MSI2: variants seen among roughly 807,000 people sequenced by gnomAD.
MSI2 encodes the protein RNA-binding protein Musashi homolog 2.
A neutral mutation model predicts 45.6 loss-of-function variants in MSI2; 17 were observed. That is an observed-to-expected ratio of 0.37 (90% CI 0.26 to 0.56). The LOEUF (loss-of-function observed/expected upper bound fraction) is 0.56, where lower values mean the gene tolerates loss of function less well. Among genes scored for constraint, MSI2 ranks in the 20% least tolerant of loss-of-function variants. The probability of loss-of-function intolerance (pLI) is 0.77; values close to 1 mark genes in which losing one functional copy is unlikely to be tolerated. For missense variants in MSI2, 293 were observed against 444.2 expected (o/e 0.66, Z 3.06); for synonymous variants, 156 against 158.2 (o/e 0.99, Z 0.11).
intron 7 of MSI2, among the ~76,000 whole-genome samples, chr17:57,574,525 T>C (rs2087963045): frequency 6.6e-6 from 1 of 152,158 alleles, no homozygotes; most frequent in African/African-American, 2.4e-5. Flanking sequence ...CTGGGTCCTG[T>C]GTCCCCATGG....
At chr17:57,283,121 G>T (rs1186692255) in intron 5 of MSI2, among the ~76,000 whole-genome samples, 2 of 152,066 alleles carry the variant, frequency 1.3e-5, no homozygotes, top group African/African-American at 4.8e-5. Flanking sequence ...TTCTCTGTGT[G>T]GGGGCTTGCC....
In MSI2 at chr17:57,306,216, T is replaced by C. The variant is rs80140172; in HGVS notation, c.312+44024T>C. On this transcript the variant is annotated intron_variant, in intron 5 of 13. Coordinates refer to ENST00000284073, the MANE Select transcript of MSI2 (RefSeq NM_138962.4). ...GAGGAAGAGCTTCTCTGGCTGCCTC[T>C]TGTGTTTCCTTCTCCTTGTGCCTTA... Among the ~76,000 whole-genome samples the C allele has an allele frequency of 8.5e-3, 1,288 of 152,078 alleles. 16 individuals carry two copies. The highest frequency in any genetic ancestry group is 0.029 in the African/African-American group (1,217 of 41,466).
chr17:57,260,474 C>G (rs1297978518), intron 4 of MSI2, among the ~76,000 whole-genome samples: 1 of 152,140 alleles, frequency 6.6e-6, no homozygotes, highest in East Asian at 1.9e-4. Flanking sequence ...AAGGTGATTT[C>G]TGATTGCAAT....
intron 7 of MSI2, among the ~76,000 whole-genome samples, chr17:57,550,856 A>T (rs1487748695): frequency 6.6e-6 from 1 of 152,194 alleles, no homozygotes; most frequent in East Asian, 1.9e-4. Flanking sequence ...TTCAGTCTGC[A>T]TTCGAGAGTG....
At chr17:57,547,553 G>A (rs1167944980) in intron 7 of MSI2, among the ~76,000 whole-genome samples, 2 of 152,022 alleles carry the variant, frequency 1.3e-5, no homozygotes, top group African/African-American at 4.8e-5. Flanking sequence ...TATGAGGTGA[G>A]GGGAGAGAGA....
At chr17:57,553,315 A>G (rs1372173579) in intron 7 of MSI2, among the ~76,000 whole-genome samples, 1 of 152,202 alleles carries the variant, frequency 6.6e-6, no homozygotes, top group Non-Finnish European at 1.5e-5. Context: ...GGCAGAATGA[A>G]TGTATCATCT....
At chr17:57,589,538 G>A (rs1484930234) in intron 7 of MSI2, among the ~76,000 whole-genome samples, 7 of 148,908 alleles carry the variant, frequency 4.7e-5, no homozygotes, top group African/African-American at 1.3e-4. Flanking sequence ...AACGTTCCGC[G>A]TTGGGGCTGG....
At position 57,457,025 on chromosome 17, in the gene MSI2, G is replaced by T. The variant is rs73991828; in HGVS notation, c.405+55554G>T. On this transcript the variant is annotated intron_variant, in intron 6 of 13. Coordinates refer to ENST00000284073, the MANE Select transcript of MSI2 (RefSeq NM_138962.4). ...AAGTTTGGCAGCATCCTGTTCCAAG[G>T]CCTAGAGTTTTAATGTGTGGTCAGA... 2.9e-3 allele frequency among the ~76,000 whole-genome samples: 438 copies of T among 152,322 alleles called. 2 individuals carry two copies. The highest frequency in any genetic ancestry group is 0.01 in the African/African-American group (428 of 41,560).
At chr17:57,676,604 G>C (rs535726166) in intron 12 of MSI2, among the ~76,000 whole-genome samples, 52 of 152,348 alleles carry the variant, frequency 3.4e-4, no homozygotes, top group African/African-American at 1.2e-3. Flanking sequence ...ATCCCAGTTT[G>C]TCTGCACTGG....
intron 10 of MSI2, chr17:57,633,307 C>A: frequency 4.1e-6 from 2 of 484,320 alleles, no homozygotes; most frequent in Non-Finnish European, 5.5e-6. Flanking sequence ...GCGAACTCCC[C>A]CTGGCTGCCG....
At chr17:57,289,156 C>T (rs1216911214) in intron 5 of MSI2, among the ~76,000 whole-genome samples, 2 of 152,224 alleles carry the variant, frequency 1.3e-5, no homozygotes, top group African/African-American at 4.8e-5. Flanking sequence ...CAGGCCCCAG[C>T]CTCCCGCAGG....
chr17:57,440,413 C>CATGTGTGTGTGT (rs1491418144), intron 6 of MSI2, among the ~76,000 whole-genome samples: 16 of 104,596 alleles, frequency 1.5e-4, no homozygotes, highest in Non-Finnish European at 2.2e-4. Context: ...GTTTGTTATC[C>CATGTGTGTGTGT]GTGTGTGTGT....
rs1598268892 is a variant in MSI2, at chr17:57,437,178, C to A, written c.405+35707C>A. On this transcript the variant is annotated intron_variant, in intron 6 of 13. Coordinates refer to ENST00000284073, the MANE Select transcript of MSI2 (RefSeq NM_138962.4). ...ATCAATCGTGATGCATATTTTTGGG[C>A]AGTAACCTTACTTTTGGATTTATTT... is the stretch of plus-strand genomic sequence containing the variant. Among the ~76,000 whole-genome samples, 3 of 152,206 alleles carry A rather than the reference C, an allele frequency of 2.0e-5. No homozygotes were observed. In the East Asian group the frequency reaches 5.8e-4, roughly 29 times the overall value.
At chr17:57,319,802 T>G (rs1044495423) in intron 5 of MSI2, among the ~76,000 whole-genome samples, 8 of 152,070 alleles carry the variant, frequency 5.3e-5, no homozygotes, top group African/African-American at 1.9e-4. Context: ...TTTGTAGGGA[T>G]AGGGTCTTCC....
chr17:57,660,434 A>G (rs1300735253), intron 11 of MSI2, among the ~76,000 whole-genome samples: 2 of 152,194 alleles, frequency 1.3e-5, no homozygotes, highest in Non-Finnish European at 2.9e-5. Context: ...AGAGGGGAAA[A>G]GGAAGAATGA....
chr17:57,471,188 G>C (rs568232822), intron 6 of MSI2, among the ~76,000 whole-genome samples: 12 of 150,620 alleles, frequency 8.0e-5, no homozygotes, highest in Middle Eastern at 6.8e-3. Flanking sequence ...TGTGCCTTCT[G>C]TATTGACCTT....
chr17:57,445,661 T>C (rs143655969), intron 6 of MSI2, among the ~76,000 whole-genome samples: 1 of 152,198 alleles, frequency 6.6e-6, no homozygotes, highest in African/African-American at 2.4e-5. Flanking sequence ...TAGACAATGT[T>C]TTAGTGAGGA....
At chr17:57,598,559 A>G (rs1034715715) in intron 8 of MSI2, among the ~76,000 whole-genome samples, 1 of 152,226 alleles carries the variant, frequency 6.6e-6, no homozygotes, top group Non-Finnish European at 1.5e-5. Flanking sequence ...GGAGGGAGAT[A>G]AGTGTGACAG....
chr17:57,439,291 T>C (rs2084751132), intron 6 of MSI2, among the ~76,000 whole-genome samples: 1 of 152,168 alleles, frequency 6.6e-6, no homozygotes. Context: ...TGAGAGGTAT[T>C]TGTAGGTCTG....
Sources: allele counts gnomAD v4.1 joint callset (sites outside exome capture counted in the v4.1 genomes callset), GRCh38; gene constraint gnomAD v4.1.1; transcripts MANE v1.5; gene names NCBI Gene and HGNC (gene_info 2026-07-23, HGNC 2026-07-21).